Variants in KLF12 observed in about 807,000 individuals in gnomAD.
KLF12 encodes the protein Krueppel-like factor 12.
A neutral mutation model predicts 37.8 loss-of-function variants in KLF12; 9 were observed. That is an observed-to-expected ratio of 0.24 (90% CI 0.14 to 0.42). The LOEUF (loss-of-function observed/expected upper bound fraction) is 0.42. Ranked by LOEUF, KLF12 falls within the 10% of genes least tolerant of loss-of-function variation. The pLI is 1.00. For missense variants in KLF12, 411 were observed against 516.0 expected (o/e 0.80, Z 1.97); for synonymous variants, 208 against 202.1 (o/e 1.03, Z -0.25).
chr13:74,294,515 C>T, the KLF12 span, among the ~76,000 whole-genome samples: 5 of 151,882 alleles, frequency 3.3e-5, no homozygotes, highest in African/African-American at 7.3e-5. Flanking sequence ...ATTACAGGCA[C>T]GCGCCACCAT....
At chr13:73,802,849 A>T (rs563019393) in intron 5 of KLF12, among the ~76,000 whole-genome samples, 27 of 152,308 alleles carry the variant, frequency 1.8e-4, no homozygotes, top group Admixed American at 3.3e-4. Context: ...ACAGGTATGT[A>T]CCAGGATAAA....
chr13:74,155,931 T>C, the KLF12 span, among the ~76,000 whole-genome samples: 2 of 152,190 alleles, frequency 1.3e-5, no homozygotes, highest in African/African-American at 2.4e-5. Context: ...TGGATCCCTG[T>C]TGCAGTGTCC....
intron 1 of KLF12, among the ~76,000 whole-genome samples, chr13:74,020,572 A>G (rs1374747410): frequency 2.6e-5 from 4 of 152,142 alleles, no homozygotes; most frequent in Non-Finnish European, 4.4e-5. Flanking sequence ...GCAAGGAAAT[A>G]ATTGTTTAGA....
chr13:73,894,497 T>C (rs1698586168), intron 3 of KLF12, among the ~76,000 whole-genome samples: 1 of 152,334 alleles, frequency 6.6e-6, no homozygotes, highest in Non-Finnish European at 1.5e-5. Flanking sequence ...TGAATGCCAT[T>C]ATATTTTTAA....
intron 2 of KLF12, among the ~76,000 whole-genome samples, chr13:73,964,656 G>A (rs1355138045): frequency 8.7e-5 from 13 of 149,062 alleles, no homozygotes; most frequent in African/African-American, 3.0e-4. Context: ...GTGTATACCC[G>A]AAAGCTTTTT....
At chr13:73,879,211 G>C (rs190336883) in intron 3 of KLF12, among the ~76,000 whole-genome samples, 4 of 152,086 alleles carry the variant, frequency 2.6e-5, no homozygotes, top group African/African-American at 9.7e-5. Flanking sequence ...TCTTTCACAT[G>C]GTTTTATTTC....
intron 1 of KLF12, among the ~76,000 whole-genome samples, chr13:74,128,133 T>C (rs1428603866): frequency 6.6e-6 from 1 of 152,210 alleles, no homozygotes; most frequent in African/African-American, 2.4e-5. Context: ...ATACTTCACC[T>C]GTATTATATA....
rs528549606 is a variant in KLF12, at chr13:73,842,594, T to C, written c.670+3233A>G. On this transcript the variant is annotated intron_variant, in intron 4 of 7. Transcript: ENST00000377669. ...ACAGTCCTTCACGTAATGTGACATG[T>C]AGGGTAACCTATTTCTCTATCAGAG... Among the ~76,000 whole-genome samples, 3 of 152,358 alleles carry C rather than the reference T, an allele frequency of 2.0e-5. No individual in the cohort carries two copies. The South Asian group carries it at 6.2e-4, about 32-fold the overall frequency.
chr13:73,890,670 CCTACA>C (rs1419504729), intron 3 of KLF12, among the ~76,000 whole-genome samples: 15 of 151,932 alleles, frequency 9.9e-5, no homozygotes, highest in Non-Finnish European at 5.9e-5. Flanking sequence ...AATGGAGTCA[CCTACA>C]CTAAGTAACA....
chr13:73,907,257 C>A (rs532467275), intron 3 of KLF12, among the ~76,000 whole-genome samples: 1 of 152,144 alleles, frequency 6.6e-6, no homozygotes, highest in South Asian at 2.1e-4. Context: ...GGTCAATAAT[C>A]TGTTAATGTC....
In KLF12 at chr13:73,714,277, T is replaced by A. The variant is rs143932012; in HGVS notation, c.1027+1091A>T. Among the ~76,000 whole-genome samples the A allele has an allele frequency of 5.5e-3, 834 of 152,232 alleles. 6 individuals are homozygous for A. The highest frequency in any genetic ancestry group is 0.019 in the African/African-American group (774 of 41,536). ...GGCCAACATAGTGAGACCCTGTCTC[T>A]AATTAAGTAGGAAAGGGAAAAGAAC... On this transcript the variant is annotated intron_variant, in intron 7 of 7. Transcript: ENST00000377669.
intron 1 of KLF12, among the ~76,000 whole-genome samples, chr13:74,088,522 C>A (rs75847462): frequency 2.6e-5 from 4 of 152,054 alleles, no homozygotes; most frequent in African/African-American, 9.7e-5. Context: ...GCCACCGTGC[C>A]GAGCCCTAGA....
the KLF12 span, among the ~76,000 whole-genome samples, chr13:74,139,747 T>A: frequency 2.0e-5 from 3 of 151,934 alleles, no homozygotes; most frequent in Non-Finnish European, 4.4e-5. Flanking sequence ...AAATTTGTTT[T>A]AAAAAAAATG....
At chr13:73,947,432 C>G (rs909575414) in intron 2 of KLF12, among the ~76,000 whole-genome samples, 5 of 152,080 alleles carry the variant, frequency 3.3e-5, no homozygotes, top group African/African-American at 9.7e-5. Flanking sequence ...GGGCAGGTAA[C>G]TTGAGCTCAG....
At chr13:74,073,198 G>C (rs1467981446) in intron 1 of KLF12, among the ~76,000 whole-genome samples, 2 of 151,978 alleles carry the variant, frequency 1.3e-5, no homozygotes, top group African/African-American at 4.8e-5. Context: ...CCAAGTCTTG[G>C]GTACTTCTTC....
intron 7 of KLF12, among the ~76,000 whole-genome samples, chr13:73,708,476 G>A (rs1875117836): frequency 6.6e-6 from 1 of 152,096 alleles, no homozygotes; most frequent in African/African-American, 2.4e-5. Context: ...GATAATGTCA[G>A]TGTCATTGTT....
intron 7 of KLF12, among the ~76,000 whole-genome samples, chr13:73,699,131 GGAA>G (rs1164348230): frequency 6.6e-6 from 1 of 151,908 alleles, no homozygotes; most frequent in Admixed American, 6.6e-5. Context: ...AGCTGAGGCA[GGAA>G]GATCCCACTT....
intron 7 of KLF12, among the ~76,000 whole-genome samples, chr13:73,712,307 C>T (rs1313856344): frequency 7.3e-6 from 1 of 136,210 alleles, no homozygotes; most frequent in Non-Finnish European, 1.5e-5. Flanking sequence ...CATTGCACTC[C>T]AGCCTGGGTA....
chr13:73,882,301 C>T (rs369500872), intron 3 of KLF12, among the ~76,000 whole-genome samples: 75 of 152,296 alleles, frequency 4.9e-4, no homozygotes, highest in African/African-American at 1.7e-3. Context: ...CTGCATCTTC[C>T]TAAATCATTC....
Sources: gnomAD v4.1 joint callset for allele counts (sites outside exome capture counted in the v4.1 genomes callset) on GRCh38, gnomAD v4.1.1 for gene constraint, MANE v1.5 for transcripts, NCBI Gene and HGNC (gene_info 2026-07-23, HGNC 2026-07-21) for gene names.